NECAP2: variants seen among roughly 807,000 people sequenced by gnomAD.
The protein encoded by NECAP2 is NECAP endocytosis associated 2.
A neutral mutation model predicts 37.8 loss-of-function variants in NECAP2; 38 were observed. The observed-to-expected ratio is 1.01, with a 90% confidence interval of 0.78 to 1.32. The LOEUF (loss-of-function observed/expected upper bound fraction) is 1.32. Ranked by LOEUF, NECAP2 falls within the 40% of genes most tolerant of loss-of-function variation. The pLI is 0.00. For missense variants in NECAP2, 316 were observed against 334.5 expected (o/e 0.94, Z 0.43); for synonymous variants, 121 against 127.7 (o/e 0.95, Z 0.35).
chr1:16,448,170 T>C (rs542561110), intron 4 of NECAP2, 29 bp downstream of exon 4: 19 of 1,581,322 alleles, frequency 1.2e-5, no homozygotes, highest in South Asian at 3.3e-5. Context: ...CACACGCTCA[T>C]GCCCCTCCCT....
chr1:16,444,094 A>G (rs1249289450), intron 2 of NECAP2, among the ~76,000 whole-genome samples: 1 of 152,096 alleles, frequency 6.6e-6, no homozygotes, highest in Non-Finnish European at 1.5e-5. Context: ...TCTGCTTCCT[A>G]CTGAGGAATT....
At chr1:16,445,788 C>T (rs2086751510) in intron 2 of NECAP2, among the ~76,000 whole-genome samples, 1 of 152,110 alleles carries the variant, frequency 6.6e-6, no homozygotes, top group Admixed American at 6.6e-5. Context: ...CCTGTGATCC[C>T]AGCTACTTGG....
chr1:16,458,659 TA>T (rs77249943), intron 7 of NECAP2, among the ~76,000 whole-genome samples, 182 bp from the exon 8 acceptor site: 2,564 of 145,062 alleles, frequency 0.018, 32 homozygotes, highest in Middle Eastern at 0.03. Context: ...ATTAACTATT[TA>T]AAAAAAAAAA....
chr1:16,448,391 C>T (rs767598429), intron 4 of NECAP2: 20 of 544,984 alleles, frequency 3.7e-5, no homozygotes, highest in Non-Finnish European at 5.3e-5. Flanking sequence ...TACCAGTCCC[C>T]TGAGCAGCCA....
At chr1:16,450,037 T>C in intron 5 of NECAP2, 1 of 367,650 alleles carries the variant, frequency 2.7e-6, no homozygotes, top group South Asian at 2.0e-5. Context: ...TCAAGAAGCT[T>C]TGTAACTCTA....
In NECAP2 at chr1:16,447,980, C is replaced by T; in HGVS notation, c.298+6C>T. On this transcript the variant is annotated splice_donor_region_variant and intron_variant, in intron 3 of 7. Transcript: ENST00000337132. Reference sequence around the variant, plus strand: ...CCGCATCGAAGATGGAAATGGTAGGCATGGGTCCTGGTGCTTCCTCCTCTT... The same window carrying T: ...CCGCATCGAAGATGGAAATGGTAGGTATGGGTCCTGGTGCTTCCTCCTCTT... 1 of 1,613,800 alleles carries T rather than the reference C, an allele frequency of 6.2e-7. No individual in the cohort carries two copies. Among genetic ancestry groups the T allele is most frequent in the Non-Finnish European group, 8.5e-7 (1 of 1,179,686 alleles).
At position 16,455,832 on chromosome 1, in the gene NECAP2, C is replaced by T. The variant is rs1378694791; in HGVS notation, c.682C>T (p.Pro228Ser). Reference protein sequence around the residue: ...VAPSSGGAPVPWPQPNPATAD... With the variant: ...VAPSSGGAPVSWPQPNPATAD... ...AACATCAATAGGAGGTGCTCCTGTA[C>T]CCTGGCCACAGCCCAATCCTGCCAC... The change falls in exon 7 of 8, where the codon CCC (proline) becomes TCC (serine). Residue 228 changes from proline (P) to serine (S), a missense_variant. Coordinates refer to ENST00000337132, the MANE Select transcript of NECAP2 (RefSeq NM_018090.5). 1.2e-6 allele frequency: 2 copies of T among 1,614,012 alleles called. No homozygotes were observed. The highest frequency in any genetic ancestry group is 4.5e-5 in the East Asian group (2 of 44,880).
intron 5 of NECAP2, chr1:16,451,463 T>C (rs973891362): frequency 5.1e-6 from 1 of 194,610 alleles, no homozygotes; most frequent in African/African-American, 2.4e-5. Context: ...TCAAATAATT[T>C]TTCAAAGTAG....
chr1:16,453,960 A>G (rs1458848124), intron 6 of NECAP2, among the ~76,000 whole-genome samples: 1 of 152,212 alleles, frequency 6.6e-6, no homozygotes, highest in Non-Finnish European at 1.5e-5. Context: ...GTCAGATAAT[A>G]AGTCATGAAT....
intron 1 of NECAP2, chr1:16,441,101 C>A: frequency 1.9e-6 from 1 of 521,544 alleles, no homozygotes. Flanking sequence ...TTAGGGACCC[C>A]GGTGGGCTGC....
chr1:16,457,690 C>T lies in NECAP2; in HGVS notation c.744-1152C>T, dbSNP rs76238124. 5.3e-3 allele frequency among the ~76,000 whole-genome samples: 753 copies of T among 142,278 alleles called. 4 individuals carry two copies. Among genetic ancestry groups the T allele is most frequent in the Non-Finnish European group, 8.3e-3 (543 of 65,618 alleles). 93.3% of individuals were successfully genotyped at this position (142,278 alleles called of 152,430 possible). A position where few individuals can be genotyped will look rare whatever the true frequency, so the allele number is the denominator to read the frequency against. Reference sequence around the variant, plus strand: ...TTTTTAATAGTGGTATTTCCATTTACAAAATATAGTAATTCTGTTTTTTTT... The same window carrying T: ...TTTTTAATAGTGGTATTTCCATTTATAAAATATAGTAATTCTGTTTTTTTT... On this transcript the variant is annotated intron_variant, in intron 7 of 7. Transcript: ENST00000337132.
chr1:16,455,868 T>G lies in NECAP2; in HGVS notation c.718T>G (p.Trp240Gly). The change falls in exon 7 of 8, where the codon TGG (tryptophan) becomes GGG (glycine). Residue 240 changes from tryptophan to glycine, a missense_variant. This residue lies in a region of NECAP2 where 204 missense variants were observed against 188.6 expected (regional missense o/e 1.08). Coordinates refer to ENST00000337132, the MANE Select transcript of NECAP2 (RefSeq NM_018090.5). Reference sequence around the variant, plus strand: ...GCCCAATCCTGCCACTGCTGACATCTGGGGAGACTTTACCAAATCTACAGG... The same window carrying G: ...GCCCAATCCTGCCACTGCTGACATCGGGGGAGACTTTACCAAATCTACAGG... ...PQPNPATADIWGDFTKSTGST... is the reference protein window; with the variant it reads ...PQPNPATADIGGDFTKSTGST... 1 of 1,614,070 alleles carries G rather than the reference T, an allele frequency of 6.2e-7. No homozygotes were observed. Among genetic ancestry groups the G allele is most frequent in the Non-Finnish European group, 8.5e-7 (1 of 1,179,988 alleles).
chr1:16,441,857 CAT>C (rs764577230), intron 1 of NECAP2, among the ~76,000 whole-genome samples: 25 of 152,086 alleles, frequency 1.6e-4, no homozygotes, highest in Non-Finnish European at 1.5e-4. Flanking sequence ...ACATTCATGA[CAT>C]ATTTTAAAAT....
chr1:16,458,717 C>A, intron 7 of NECAP2, 125 bp from the exon 8 acceptor site: 1 of 942,716 alleles, frequency 1.1e-6, no homozygotes, highest in Non-Finnish European at 1.6e-6. Flanking sequence ...TTGCTGACTG[C>A]TGCTCTAGAA....
At chr1:16,444,320 C>G (rs1189559529) in intron 2 of NECAP2, among the ~76,000 whole-genome samples, 1 of 152,230 alleles carries the variant, frequency 6.6e-6, no homozygotes, top group Non-Finnish European at 1.5e-5. Flanking sequence ...TGGAATCCCC[C>G]AGCCGAGACC....
At chr1:16,457,486 G>A (rs968637850) in intron 7 of NECAP2, among the ~76,000 whole-genome samples, 1 of 152,160 alleles carries the variant, frequency 6.6e-6, no homozygotes, top group South Asian at 2.1e-4. Flanking sequence ...AAACAGAGGC[G>A]TGAAATGAGG....
rs566794655 is a variant in NECAP2 at position 16,440,769 on chromosome 1, A to C, written c.8A>C (p.Glu3Ala). 6.2e-7 allele frequency: 1 copy of C among 1,613,924 alleles called. No individual in the cohort carries two copies. Among genetic ancestry groups the C allele is most frequent in the South Asian group, 1.1e-5 (1 of 91,072 alleles). The change falls in exon 1 of 8, where the codon GAG becomes GCG. Residue 3 changes from glutamate to alanine, a missense_variant. By Grantham distance (107) the Glu-to-Ala change is moderately radical. Around this residue, in one of 3 missense-constraint regions of NECAP2, gnomAD observed 31 missense variants for 21.7 expected, o/e 1.43. Coordinates refer to ENST00000337132, the MANE Select transcript of NECAP2 (RefSeq NM_018090.5). The part of the protein sequence containing the change: ME[E>A]SGYESVLCVK... ...TGGGCTCCAGGCGTCGCGATGGAGG[A>C]GAGCGGGTACGAGTCGGTGCTCTGT...
intron 2 of NECAP2, among the ~76,000 whole-genome samples, chr1:16,444,153 G>A (rs919429639): frequency 2.0e-5 from 3 of 152,144 alleles, no homozygotes; most frequent in Non-Finnish European, 2.9e-5. Flanking sequence ...CCCATTAACC[G>A]AAGAAGCTGG....
rs1269435893 is a variant in NECAP2, at chr1:16,448,070, G to A, written c.309G>A (p.Ala103=). 8.1e-6 allele frequency: 13 copies of A among 1,614,088 alleles called. No individual in the cohort carries two copies. The highest frequency in any genetic ancestry group is 4.5e-5 in the East Asian group (2 of 44,900). Reference sequence around the variant, plus strand: ...TGTGTTGTTCCCCAGGGCGACGGGCGTTTATTGGAATTGGCTTCGGGGACC... The same window carrying A: ...TGTGTTGTTCCCCAGGGCGACGGGCATTTATTGGAATTGGCTTCGGGGACC... ...IRIEDGNGRR[A]FIGIGFGDRG... The change falls in exon 4 of 8, where the codon GCG becomes GCA. Residue 103 remains alanine, a synonymous_variant. Transcript: ENST00000337132.
Sources: allele counts gnomAD v4.1 joint callset (sites outside exome capture counted in the v4.1 genomes callset), GRCh38; gene constraint gnomAD v4.1.1; regional missense constraint gnomAD v4.1.1; transcripts MANE v1.5; gene names NCBI Gene and HGNC (gene_info 2026-07-23, HGNC 2026-07-21).